MEI4: variants seen among roughly 807,000 people sequenced by gnomAD.
MEI4 encodes meiotic double-stranded break formation protein 4.
In MEI4, 27 loss-of-function variants were observed where a neutral mutation model predicts 31.4. That is an observed-to-expected ratio of 0.86 (90% confidence interval 0.63 to 1.19). The LOEUF (loss-of-function observed/expected upper bound fraction) is 1.19. MEI4 is among the 50% of genes most tolerant of loss of function. The probability of loss-of-function intolerance (pLI) is 0.00; values close to 1 mark genes in which losing one functional copy is unlikely to be tolerated. For missense variants in MEI4, 329 were observed against 398.9 expected, an observed-to-expected ratio of 0.82 and a Z score of 1.49; for synonymous variants, 122 against 145.4, an observed-to-expected ratio of 0.84 and a Z score of 1.16.
At chr6:77,711,093 T>G (rs1004444667) in intron 2 of MEI4, among the ~76,000 whole-genome samples, 2 of 143,402 alleles carry the variant, frequency 1.4e-5, no homozygotes, top group Non-Finnish European at 3.1e-5. Flanking sequence ...GAGCTGACAG[T>G]TGGGGGAGAA....
intron 1 of MEI4, among the ~76,000 whole-genome samples, chr6:77,665,598 G>A (rs1032594575): frequency 1.2e-4 from 18 of 152,168 alleles, no homozygotes; most frequent in African/African-American, 4.3e-4. Flanking sequence ...GTCCCTGCGT[G>A]GTCTGACACC....
chr6:77,692,598 A>T (rs1769178127), intron 2 of MEI4, among the ~76,000 whole-genome samples: 1 of 152,120 alleles, frequency 6.6e-6, no homozygotes, highest in African/African-American at 2.4e-5. Flanking sequence ...ACAGACATGT[A>T]GGAATAAATT....
intron 4 of MEI4, among the ~76,000 whole-genome samples, chr6:77,889,658 A>G (rs188818660): frequency 7.2e-5 from 11 of 152,364 alleles, no homozygotes; most frequent in African/African-American, 2.2e-4. Context: ...GCTAATTGCC[A>G]AGACAATGGG....
chr6:77,671,677 C>T (rs78054617), intron 1 of MEI4, among the ~76,000 whole-genome samples: 1,588 of 146,362 alleles, frequency 0.011, 14 homozygotes, highest in Non-Finnish European at 0.018. Flanking sequence ...GACAGTGTAT[C>T]TATAAGGCCT....
At chr6:77,905,033 T>G (rs992629164) in intron 4 of MEI4, among the ~76,000 whole-genome samples, 1 of 152,290 alleles carries the variant, frequency 6.6e-6, no homozygotes, top group Admixed American at 6.5e-5. Context: ...ATAGCATCAT[T>G]TTCTTACCTT....
At chr6:77,697,354 A>T (rs1344970691) in intron 2 of MEI4, among the ~76,000 whole-genome samples, 1 of 151,604 alleles carries the variant, frequency 6.6e-6, no homozygotes, top group Non-Finnish European at 1.5e-5. Flanking sequence ...TTTAATTGTG[A>T]TGTTAGGGTG....
At chr6:77,760,561 A>G (rs1768020345) in intron 2 of MEI4, among the ~76,000 whole-genome samples, 1 of 151,920 alleles carries the variant, frequency 6.6e-6, no homozygotes, top group African/African-American at 2.4e-5. Flanking sequence ...AAATGCTATT[A>G]TTTTTCCTGT....
chr6:77,659,335 A>G (rs911620474), intron 1 of MEI4, among the ~76,000 whole-genome samples: 1 of 152,174 alleles, frequency 6.6e-6, no homozygotes, highest in Non-Finnish European at 1.5e-5. Context: ...AGGTAGACAC[A>G]TGTAGGTAGA....
intron 4 of MEI4, among the ~76,000 whole-genome samples, chr6:77,880,210 A>T (rs1163512459): frequency 6.7e-6 from 1 of 150,120 alleles, no homozygotes; most frequent in African/African-American, 2.5e-5. Flanking sequence ...TCTTGAATGT[A>T]TTATTGTGGG....
intron 2 of MEI4, among the ~76,000 whole-genome samples, chr6:77,734,900 G>C (rs1430064863): frequency 6.6e-6 from 1 of 151,672 alleles, no homozygotes; most frequent in Non-Finnish European, 1.5e-5. Flanking sequence ...ATGAAGCTTA[G>C]TTTGGCTGGA....
intron 3 of MEI4, among the ~76,000 whole-genome samples, chr6:77,794,553 C>T (rs537862455): frequency 2.0e-5 from 3 of 152,216 alleles, no homozygotes; most frequent in African/African-American, 7.2e-5. Context: ...CAGAGTGAGA[C>T]TCTGTCTCAA....
chr6:77,844,009 A>T (rs9294090), intron 4 of MEI4, among the ~76,000 whole-genome samples: 5 of 151,822 alleles, frequency 3.3e-5, no homozygotes, highest in African/African-American at 9.7e-5. Flanking sequence ...ATGGTGGTTA[A>T]GTATAGGTAT....
At chr6:77,888,787 G>C (rs1771686093) in intron 4 of MEI4, among the ~76,000 whole-genome samples, 1 of 152,034 alleles carries the variant, frequency 6.6e-6, no homozygotes, top group Non-Finnish European at 1.5e-5. Flanking sequence ...TTGAATTGTA[G>C]TTCCCACAAT....
chr6:77,779,058 A>G, intron 3 of MEI4, among the ~76,000 whole-genome samples: 1 of 152,200 alleles, frequency 6.6e-6, no homozygotes, highest in East Asian at 1.9e-4. Flanking sequence ...AGTCTTTGTC[A>G]GAATTTAGAG....
intron 3 of MEI4, among the ~76,000 whole-genome samples, chr6:77,775,736 T>A (rs770735142): frequency 2.6e-5 from 4 of 152,188 alleles, no homozygotes; most frequent in Non-Finnish European, 5.9e-5. Flanking sequence ...CTGGATCAAA[T>A]GGTAGTTCTA....
At chr6:77,676,852 T>A (rs1007140156) in intron 1 of MEI4, among the ~76,000 whole-genome samples, 16 of 152,210 alleles carry the variant, frequency 1.1e-4, no homozygotes, top group African/African-American at 3.1e-4. Flanking sequence ...AAGAAATATA[T>A]CTAATTCATC....
In MEI4 at chr6:77,911,921, G is replaced by A. The variant is rs1487205190; in HGVS notation, c.901-11168G>A. Among the ~76,000 whole-genome samples the A allele has an allele frequency of 3.3e-5, 5 of 151,782 alleles. No homozygotes were observed. The South Asian group carries it at 1.0e-3, about 32-fold the overall frequency. Reference sequence around the variant, plus strand: ...TCTTTGCCTAGAAAAATGTCCTGAAGTGTTTTCTCTGCTTTCTTCTAGTTG... The same window carrying A: ...TCTTTGCCTAGAAAAATGTCCTGAAATGTTTTCTCTGCTTTCTTCTAGTTG... On this transcript the variant is annotated intron_variant, in intron 4 of 4. Coordinates refer to ENST00000684080, the MANE Select transcript of MEI4 (RefSeq NM_001322247.2).
At chr6:77,745,498 T>G (rs1172809676) in intron 2 of MEI4, among the ~76,000 whole-genome samples, 1 of 152,150 alleles carries the variant, frequency 6.6e-6, no homozygotes, top group Non-Finnish European at 1.5e-5. Flanking sequence ...CATAGAGACT[T>G]AGACTCCCAC....
At chr6:77,694,859 AC>A (rs1270215093) in intron 2 of MEI4, among the ~76,000 whole-genome samples, 1 of 146,862 alleles carries the variant, frequency 6.8e-6, no homozygotes, top group Admixed American at 6.8e-5. Context: ...CAATGGTTGA[AC>A]TAGTTTACAG....
Sources: allele counts gnomAD v4.1 joint callset (sites outside exome capture counted in the v4.1 genomes callset), GRCh38; gene constraint gnomAD v4.1.1; transcripts MANE v1.5; gene names NCBI Gene and HGNC (gene_info 2026-07-23, HGNC 2026-07-21).